The following PEG3 variants were observed in gnomAD, a reference collection of about 807,000 sequenced individuals.
The protein encoded by PEG3 is paternally expressed 3, also known as paternally-expressed gene 3 protein.
In PEG3, 23 loss-of-function variants were observed where a neutral mutation model predicts 35.5. The ratio of observed to expected loss-of-function variants is 0.65; its 90% CI spans 0.47 to 0.92. The LOEUF is 0.92. Among genes scored for constraint, PEG3 ranks in the 40% least tolerant of loss-of-function variants. The pLI, the probability that PEG3 is intolerant of heterozygous loss-of-function variation, is 0.00. For missense variants in PEG3, 1,960 were observed against 1,985.3 expected (o/e 0.99, Z 0.24); for synonymous variants, 707 against 697.0 (o/e 1.01, Z -0.23).
Position 56,811,033 on chromosome 19 carries a change from C to T in PEG3, c.*2642G>A, listed in dbSNP as rs1157485875. The T allele has an allele frequency of 8.2e-6, 8 of 980,108 alleles. No individual in the cohort carries two copies. The East Asian group carries it at 8.0e-4, about 98-fold the overall frequency. 60.7% of individuals were successfully genotyped at this position (980,108 alleles called of 1,614,324 possible). A position where few individuals can be genotyped will look rare whatever the true frequency, so the allele number is the denominator to read the frequency against. Reference sequence around the variant, plus strand: ...TTTTGACACAGTTATAATCATAAACCTGTGCACAGAAACAAGAATGAACAA... The same window carrying T: ...TTTTGACACAGTTATAATCATAAACTTGTGCACAGAAACAAGAATGAACAA... On this transcript the variant is annotated 3_prime_UTR_variant, in exon 10 of 10. Coordinates refer to ENST00000326441, the MANE Select transcript of PEG3 (RefSeq NM_006210.3).
At position 56,813,804 on chromosome 19, in the gene PEG3, G is replaced by A. The variant is rs189053356; in HGVS notation, c.4638C>T (p.Ile1546=). The A allele has an allele frequency of 2.4e-5, 39 of 1,614,124 alleles. No homozygotes were observed. The highest frequency in any genetic ancestry group is 6.7e-5 in the East Asian group (3 of 44,854). ...CACCTGTGCTGGTGCTGGCACGTTC[G>A]ATGTAGCCTGAGCACTCCCCAAAGG... ...ANAFGECSGY[I]ERASTSTGGA... Residue 1546 remains isoleucine, a synonymous_variant, in exon 10 of 10, where the codon ATC becomes ATT. Coordinates refer to ENST00000326441, the MANE Select transcript of PEG3 (RefSeq NM_006210.3).
rs1221388603 is a variant in PEG3 at position 56,813,541 on chromosome 19, G to C, written c.*134C>G. ...TCGGTCTCTTTTCAATCTGAGTTTAGAGATGTTAAGTCAGGTGTGTAACAC... is the reference window on the plus strand; with the variant it reads ...TCGGTCTCTTTTCAATCTGAGTTTACAGATGTTAAGTCAGGTGTGTAACAC... On this transcript the variant is annotated 3_prime_UTR_variant, in exon 10 of 10. Transcript: ENST00000326441. The C allele has an allele frequency of 1.4e-6, 2 of 1,444,352 alleles. No individual in the cohort carries two copies. Among genetic ancestry groups the C allele is most frequent in the Non-Finnish European group, 9.1e-7 (1 of 1,096,322 alleles). The allele number at this position is 1,444,352 out of a possible 1,614,324, so 89.5% of individuals were successfully genotyped here.
At chr19:56,822,883 CCT>C in intron 5 of PEG3, 47 bp from the exon 6 acceptor site, 1 of 1,585,374 alleles carries the variant, frequency 6.3e-7, no homozygotes. Flanking sequence ...CTTTGACACA[CCT>C]GTTTTCCCTG....
intron 2 of PEG3, among the ~76,000 whole-genome samples, chr19:56,835,047 T>C (rs1328307225): frequency 1.3e-5 from 2 of 152,072 alleles, no homozygotes; most frequent in Non-Finnish European, 2.9e-5. Flanking sequence ...ACAGAGAAAG[T>C]GAGGAGTCTC....
chr19:56,814,619 T>C lies in PEG3; in HGVS notation c.3823A>G (p.Ser1275Gly). ...PGLALTEFQRSQTEERLFECA... is the reference protein window; with the variant it reads ...PGLALTEFQRGQTEERLFECA... The stretch of plus-strand genomic sequence containing the variant: ...TCAAAGAGTCTCTCTTCGGTCTGAC[T>C]TCTCTGAAACTCAGTGAGGGCTAAG... The change falls in exon 10 of 10, where the codon AGT becomes GGT. Residue 1275 changes from serine (S) to glycine (G), a missense_variant. Physicochemically the swap from Ser to Gly is moderately conservative, Grantham distance 56. This residue lies in a region of PEG3 where 416 missense variants were observed against 416.7 expected (regional missense o/e 1.00). Coordinates refer to ENST00000326441, the MANE Select transcript of PEG3 (RefSeq NM_006210.3). This position sits in a 1 kb window ranked among gnomAD's most constrained non-coding sequence, Gnocchi z 5.8. 6.2e-7 allele frequency: 1 copy of C among 1,614,138 alleles called. No individual in the cohort carries two copies. Among genetic ancestry groups the C allele is most frequent in the Non-Finnish European group, 8.5e-7 (1 of 1,179,974 alleles).
Position 56,821,658 on chromosome 19 carries a change from C to A in PEG3, c.662G>T (p.Arg221Leu). Residue 221 changes from arginine (R) to leucine (L), a missense_variant, in exon 7 of 10, where the codon CGA (arginine) becomes CTA (leucine). Around this residue, in one of 5 missense-constraint regions of PEG3, gnomAD observed 613 missense variants for 577.1 expected, o/e 1.06. Transcript: ENST00000326441. ...GAGGAAACCTGAGCATACCTGAGAT[C>A]GGGACTCATAAGCCCTGGAGTCCCT... ...DDRDSRAYES[R>L]SQDAESYQNV... is the part of the protein sequence containing the mutation. 1 of 1,613,856 alleles carries A rather than the reference C, an allele frequency of 6.2e-7. No homozygotes were observed. Among genetic ancestry groups the A allele is most frequent in the Non-Finnish European group, 8.5e-7 (1 of 1,179,974 alleles).
At chr19:56,822,115 G>A (rs1033026559) in intron 6 of PEG3, among the ~76,000 whole-genome samples, 2 of 152,144 alleles carry the variant, frequency 1.3e-5, no homozygotes, top group African/African-American at 2.4e-5. Flanking sequence ...ATCAGAGACC[G>A]TCCCACAGGG....
In PEG3 at chr19:56,816,906, C is replaced by G; in HGVS notation, c.1536G>C (p.Glu512Asp). Residue 512 changes from glutamate to aspartate, a missense_variant, in exon 10 of 10, where the codon GAG becomes GAC. Glu to Asp is a conservative substitution (Grantham distance 45). Around this residue, in one of 5 missense-constraint regions of PEG3, gnomAD observed 798 missense variants for 782.4 expected, o/e 1.02. Coordinates refer to ENST00000326441, the MANE Select transcript of PEG3 (RefSeq NM_006210.3). Reference protein sequence around the residue: ...GKRFECKDCGETFNKSAALAE... With the variant: ...GKRFECKDCGDTFNKSAALAE... Reference sequence around the variant, plus strand: ...CCAAGGCGGCACTCTTATTGAAGGTCTCTCCACAGTCCTTACATTCAAAAC... The same window carrying G: ...CCAAGGCGGCACTCTTATTGAAGGTGTCTCCACAGTCCTTACATTCAAAAC... 5 of 1,614,216 alleles carry G rather than the reference C, an allele frequency of 3.1e-6. No individual in the cohort carries two copies. Among genetic ancestry groups the G allele is most frequent in the Non-Finnish European group, 4.2e-6 (5 of 1,180,026 alleles).
In PEG3 at chr19:56,813,394, TG is replaced by T; in HGVS notation, c.*280del. On this transcript the variant is annotated 3_prime_UTR_variant, in exon 10 of 10. Coordinates refer to ENST00000326441, the MANE Select transcript of PEG3 (RefSeq NM_006210.3). ...GTTGATTTGGGCAAACTCTGTAGTC[TG>T]GAATACTCATAGGGTTTTCTCAATC... is the stretch of plus-strand genomic sequence containing the variant. 2.4e-6 allele frequency: 3 copies of T among 1,224,760 alleles called. No homozygotes were observed. The highest frequency in any genetic ancestry group is 3.1e-6 in the Non-Finnish European group (3 of 978,876). 75.9% of individuals were successfully genotyped at this position (1,224,760 alleles called of 1,614,324 possible). A position where few individuals can be genotyped will look rare whatever the true frequency, so the allele number is the denominator to read the frequency against.
At chr19:56,839,524 C>T (rs1289579717) in intron 1 of PEG3, among the ~76,000 whole-genome samples, 20 of 151,958 alleles carry the variant, frequency 1.3e-4, no homozygotes, top group Admixed American at 1.3e-3. Context: ...GCGCAGCAAA[C>T]CTCAGCAGCC....
intron 4 of PEG3, among the ~76,000 whole-genome samples, chr19:56,823,942 C>T (rs1299234730): frequency 6.6e-6 from 1 of 152,122 alleles, no homozygotes; most frequent in Non-Finnish European, 1.5e-5. Flanking sequence ...TAGCACACCA[C>T]ACCAAAAAGG....
chr19:56,838,238 T>C (rs1325397923), intron 1 of PEG3, among the ~76,000 whole-genome samples: 1 of 152,048 alleles, frequency 6.6e-6, no homozygotes, highest in Non-Finnish European at 1.5e-5. Flanking sequence ...CAGCCAAAGA[T>C]TGCACCACAG....
chr19:56,818,733 A>G (rs1307931746), intron 7 of PEG3, 31 bp from the exon 8 acceptor site: 1 of 1,597,732 alleles, frequency 6.3e-7, no homozygotes, highest in Non-Finnish European at 8.6e-7. Flanking sequence ...CTCTCAATGG[A>G]GTCTGTCCCC....
intron 2 of PEG3, among the ~76,000 whole-genome samples, chr19:56,830,183 A>G (rs370126473): frequency 2.0e-5 from 3 of 152,208 alleles, no homozygotes; most frequent in East Asian, 1.9e-4. Flanking sequence ...TTTCATCTCT[A>G]TATTTTTATA....
Position 56,810,973 on chromosome 19 carries a change from C to A in PEG3, c.*2702G>T. 4 of 972,970 alleles carry A rather than the reference C, an allele frequency of 4.1e-6. No individual in the cohort carries two copies. Among genetic ancestry groups the A allele is most frequent in the Non-Finnish European group, 4.9e-6 (4 of 818,734 alleles). The allele number at this position is 972,970 out of a possible 1,614,324, so 60.3% of individuals were successfully genotyped here. On this transcript the variant is annotated 3_prime_UTR_variant, in exon 10 of 10. Transcript: ENST00000326441. ...AAGTGAAAGTATTTAACCATAATTC[C>A]ACAAAGGTAATGTAACAGCTATTTT...
chr19:56,816,894 C>A lies in PEG3; in HGVS notation c.1548G>T (p.Lys516Asn), dbSNP rs2060030453. The change falls in exon 10 of 10, where the codon AAG becomes AAT. Residue 516 changes from lysine to asparagine, a missense_variant. By Grantham distance (94) the Lys-to-Asn change is moderately conservative. Transcript: ENST00000326441. ...TCCGATGTTCAGCCAAGGCGGCACT[C>A]TTATTGAAGGTCTCTCCACAGTCCT... ...ECKDCGETFN[K>N]SAALAEHRKI... The A allele has an allele frequency of 1.2e-6, 2 of 1,614,078 alleles. No homozygotes were observed.
chr19:56,817,615 C>A (rs2060099918), intron 9 of PEG3, 36 bp from the exon 10 acceptor site: 9 of 1,555,502 alleles, frequency 5.8e-6, no homozygotes, highest in South Asian at 2.4e-5. Flanking sequence ...ACTCCCTAGT[C>A]CCCATAAGAA....
In PEG3 at chr19:56,812,095, C is replaced by A. The variant is rs1004772142; in HGVS notation, c.*1580G>T. The A allele has an allele frequency of 5.1e-6, 5 of 978,010 alleles. No homozygotes were observed. In the African/African-American group the frequency reaches 8.8e-5, roughly 17 times the overall value. 60.6% of individuals were successfully genotyped at this position (978,010 alleles called of 1,614,324 possible). On this transcript the variant is annotated 3_prime_UTR_variant, in exon 10 of 10. Transcript: ENST00000326441. ...TAATTTTGCTTGTTCAAATGATCTA[C>A]ACTTACATTTTGCAAATCTTTTTTT...
intron 2 of PEG3, among the ~76,000 whole-genome samples, chr19:56,827,221 T>C (rs2061126952): frequency 2.0e-5 from 3 of 152,182 alleles, no homozygotes; most frequent in Admixed American, 2.0e-4. Context: ...CCCATATGTA[T>C]CTTGTCACAA....
Sources: allele counts gnomAD v4.1 joint callset (sites outside exome capture counted in the v4.1 genomes callset), GRCh38; gene constraint gnomAD v4.1.1; regional missense constraint gnomAD v4.1.1; non-coding constraint Gnocchi (gnomAD v3.1); transcripts MANE v1.5; gene names NCBI Gene and HGNC (gene_info 2026-07-23, HGNC 2026-07-21).